Variants in CSMD1 observed in about 807,000 individuals in gnomAD.
The protein encoded by CSMD1 is CUB and Sushi multiple domains 1, also known as CUB and sushi domain-containing protein 1.
CSMD1 carries 213 observed loss-of-function variants against 417.5 expected under a neutral mutation model. That is an observed-to-expected ratio of 0.51 (90% CI 0.46 to 0.57). CSMD1 has a LOEUF of 0.57. CSMD1 is among the 20% of genes least tolerant of loss of function. CSMD1 has a pLI of 0.00. For missense variants in CSMD1, 6,923 were observed against 4,529.7 expected (o/e 1.53, Z -15.17); for synonymous variants, 2,862 against 1,736.8 (o/e 1.65, Z -16.11).
chr8:3,347,817 T>C (rs1029469116), intron 22 of CSMD1, among the ~76,000 whole-genome samples, 175 bp downstream of exon 22: 1 of 152,178 alleles, frequency 6.6e-6, no homozygotes, highest in African/African-American at 2.4e-5. Flanking sequence ...CATACACTGC[T>C]CTAAGCGAAG....
chr8:3,507,760 G>C lies in CSMD1; in HGVS notation c.1345-14034C>G, dbSNP rs373302248. Among the ~76,000 whole-genome samples, 60 of 152,284 alleles carry C rather than the reference G, an allele frequency of 3.9e-4. 1 individual carries two copies. The South Asian group carries it at 0.011, about 29-fold the overall frequency. ...TTGCATTTCTCTGATGGCCAGTGAT[G>C]ATGAGCATTTTTTCATGTGTTTTTT... is the stretch of plus-strand genomic sequence containing the variant. On this transcript the variant is annotated intron_variant, in intron 10 of 69. Transcript: ENST00000635120.
Position 3,169,062 on chromosome 8 carries a change from C to T in CSMD1, c.5726-6785G>A, listed in dbSNP as rs548042800. 1.2e-4 allele frequency among the ~76,000 whole-genome samples: 19 copies of T among 152,298 alleles called. No homozygotes were observed. In the East Asian group the frequency reaches 3.3e-3, roughly 26 times the overall value. On this transcript the variant is annotated intron_variant, in intron 37 of 69. Transcript: ENST00000635120. ...CTGGTCACAGGACTATTTTGGTCTACGTACCACCCACCAACAACCTGGACC... is the reference window on the plus strand; with the variant it reads ...CTGGTCACAGGACTATTTTGGTCTATGTACCACCCACCAACAACCTGGACC...
chr8:4,892,923 T>C (rs1329530551), intron 1 of CSMD1, among the ~76,000 whole-genome samples: 1 of 152,160 alleles, frequency 6.6e-6, no homozygotes, highest in Non-Finnish European at 1.5e-5. Flanking sequence ...GAAGTGAATA[T>C]ATTTTATATG....
intron 1 of CSMD1, among the ~76,000 whole-genome samples, chr8:4,785,279 A>T (rs551816154): frequency 1.3e-5 from 2 of 152,290 alleles, no homozygotes; most frequent in Admixed American, 6.5e-5. Flanking sequence ...GGTGATTTTC[A>T]TAATGGGGCA....
intron 2 of CSMD1, among the ~76,000 whole-genome samples, chr8:4,562,216 G>C (rs975635277): frequency 6.6e-6 from 1 of 151,976 alleles, no homozygotes; most frequent in Non-Finnish European, 1.5e-5. Flanking sequence ...GCCAAGTCCT[G>C]GAAGAAACGA....
At chr8:4,486,326 A>G (rs1801416906) in intron 2 of CSMD1, among the ~76,000 whole-genome samples, 1 of 149,358 alleles carries the variant, frequency 6.7e-6, no homozygotes, top group South Asian at 2.1e-4. Context: ...CTAGCTACAA[A>G]TAACAGTAAT....
At chr8:4,700,354 T>TA (rs1563169917) in intron 1 of CSMD1, among the ~76,000 whole-genome samples, 2 of 151,944 alleles carry the variant, frequency 1.3e-5, no homozygotes, top group African/African-American at 4.8e-5. Flanking sequence ...ATACATATTA[T>TA]AAAAATATTA....
At chr8:4,903,256 T>C (rs925145048) in intron 1 of CSMD1, among the ~76,000 whole-genome samples, 12 of 152,208 alleles carry the variant, frequency 7.9e-5, no homozygotes, top group Non-Finnish European at 1.6e-4. Flanking sequence ...TAGTGTGTCA[T>C]CTTCATTCCC....
chr8:4,640,088 T>C (rs530985628), intron 1 of CSMD1, among the ~76,000 whole-genome samples: 2 of 152,352 alleles, frequency 1.3e-5, no homozygotes, highest in South Asian at 2.1e-4. Flanking sequence ...GTTACTGTTA[T>C]AGACCCATCA....
At chr8:3,554,478 G>T (rs1204980371) in intron 10 of CSMD1, among the ~76,000 whole-genome samples, 2 of 152,148 alleles carry the variant, frequency 1.3e-5, no homozygotes, top group South Asian at 2.1e-4. Context: ...ACATTGAGGG[G>T]AAGGGAGGGT....
chr8:4,209,508 C>T (rs1039808500), intron 3 of CSMD1, among the ~76,000 whole-genome samples: 1 of 152,318 alleles, frequency 6.6e-6, no homozygotes, highest in Non-Finnish European at 1.5e-5. Context: ...CCCATGGCCC[C>T]TCCTCTCTGG....
At chr8:4,450,276 T>C (rs1452822743) in intron 2 of CSMD1, among the ~76,000 whole-genome samples, 1 of 152,156 alleles carries the variant, frequency 6.6e-6, no homozygotes, top group African/African-American at 2.4e-5. Flanking sequence ...GCACACAACA[T>C]GGGAGAAAGC....
chr8:3,093,303 C>T (rs1815074752), intron 47 of CSMD1, among the ~76,000 whole-genome samples: 2 of 152,154 alleles, frequency 1.3e-5, no homozygotes, highest in East Asian at 1.9e-4. Context: ...GGGAGGGAGG[C>T]TTGGAGGAGA....
chr8:4,685,671 C>T (rs1195029190), intron 1 of CSMD1, among the ~76,000 whole-genome samples: 1 of 152,088 alleles, frequency 6.6e-6, no homozygotes, highest in Non-Finnish European at 1.5e-5. Flanking sequence ...GAAACAAAAT[C>T]AATTAAATTT....
At chr8:3,877,112 C>G (rs1585127408) in intron 5 of CSMD1, among the ~76,000 whole-genome samples, 1 of 152,156 alleles carries the variant, frequency 6.6e-6, no homozygotes, top group Non-Finnish European at 1.5e-5. Flanking sequence ...TAGTGCAACT[C>G]CTCGGTGAAG....
intron 3 of CSMD1, among the ~76,000 whole-genome samples, chr8:4,254,806 C>T (rs1803337058): frequency 6.6e-6 from 1 of 152,114 alleles, no homozygotes; most frequent in African/African-American, 2.4e-5. Context: ...TGACAGGCTG[C>T]ACCCCAGAGC....
chr8:3,240,670 C>T (rs965153103), intron 26 of CSMD1, among the ~76,000 whole-genome samples: 160 of 151,860 alleles, frequency 1.1e-3, no homozygotes, highest in Admixed American at 2.7e-3. Flanking sequence ...GAATGAAAGG[C>T]GCAAAGGAAT....
intron 3 of CSMD1, among the ~76,000 whole-genome samples, chr8:4,187,200 T>G (rs1449218838): frequency 6.6e-6 from 1 of 152,174 alleles, no homozygotes; most frequent in Non-Finnish European, 1.5e-5. Flanking sequence ...GGGACATTGT[T>G]GGATTCTGTT....
intron 5 of CSMD1, among the ~76,000 whole-genome samples, chr8:3,790,792 G>C (rs77587090): frequency 1.3e-5 from 2 of 152,058 alleles, no homozygotes; most frequent in African/African-American, 2.4e-5. Context: ...TGGGGTTTTT[G>C]CAACATTGAG....
Sources: gnomAD v4.1 joint callset for allele counts (sites outside exome capture counted in the v4.1 genomes callset) on GRCh38, gnomAD v4.1.1 for gene constraint, MANE v1.5 for transcripts, NCBI Gene and HGNC (gene_info 2026-07-23, HGNC 2026-07-21) for gene names.